KIF13B: variants seen among roughly 807,000 people sequenced by gnomAD.
KIF13B encodes the protein kinesin family member 13B.
In KIF13B, 127 loss-of-function variants were observed where a neutral mutation model predicts 222.0. That is an observed-to-expected ratio of 0.57 (90% CI 0.50 to 0.66). The LOEUF (loss-of-function observed/expected upper bound fraction) is 0.66, where lower values mean the gene tolerates loss of function less well. Ranked by LOEUF, KIF13B falls within the 30% of genes least tolerant of loss-of-function variation. The pLI, the probability that KIF13B is intolerant of heterozygous loss-of-function variation, is 0.00. For missense variants in KIF13B, 2,173 were observed against 2,379.0 expected (o/e 0.91, Z 1.80); for synonymous variants, 976 against 919.0 (o/e 1.06, Z -1.12).
intron 2 of KIF13B, among the ~76,000 whole-genome samples, chr8:29,232,834 C>A (rs765182714): frequency 5.9e-5 from 9 of 152,196 alleles, no homozygotes; most frequent in Non-Finnish European, 7.3e-5. Context: ...ACTGCCCACT[C>A]TCTCACCCCT....
At chr8:29,241,340 A>C (rs1815769442) in intron 2 of KIF13B, among the ~76,000 whole-genome samples, 1 of 152,260 alleles carries the variant, frequency 6.6e-6, no homozygotes, top group African/African-American at 2.4e-5. Context: ...CAGTAAGTGT[A>C]ATAAAAACCA....
chr8:29,165,816 C>A, intron 11 of KIF13B, 44 bp from the exon 12 acceptor site: 1 of 1,417,220 alleles, frequency 7.1e-7, no homozygotes, highest in Non-Finnish European at 9.9e-7. Flanking sequence ...AGAAGATGCC[C>A]TGGAAAAAGA....
At chr8:29,123,332 T>C (rs1202878574) in intron 28 of KIF13B, 34 bp downstream of exon 28, 3 of 1,610,398 alleles carry the variant, frequency 1.9e-6, no homozygotes, top group Middle Eastern at 3.4e-4. Context: ...TGGTGAGCGT[T>C]CAGACCTCAC....
At position 29,146,241 on chromosome 8, in the gene KIF13B, AC is replaced by A. The variant is rs1470527007; in HGVS notation, c.2187+136del. 6 of 832,060 alleles carry A rather than the reference AC, an allele frequency of 7.2e-6. No homozygotes were observed. The African/African-American group carries it at 1.0e-4, about 14-fold the overall frequency. The allele number at this position is 832,060 out of a possible 1,614,324, so 51.5% of individuals were successfully genotyped here. On this transcript the variant is annotated intron_variant, in intron 18 of 39. Transcript: ENST00000524189. ...GAGAATGGAAAAGGAAGTCAATTCTACCCAAAAGCATGGAGGACAAAGGATC... is the reference window on the plus strand; with the variant it reads ...GAGAATGGAAAAGGAAGTCAATTCTACCAAAAGCATGGAGGACAAAGGATC...
At chr8:29,165,952 T>C (rs1244989933) in intron 11 of KIF13B, among the ~76,000 whole-genome samples, 180 bp from the exon 12 acceptor site, 1 of 152,256 alleles carries the variant, frequency 6.6e-6, no homozygotes, top group African/African-American at 2.4e-5. Context: ...CACAAACTCA[T>C]TGAGTTATCC....
At chr8:29,076,005 G>A (rs887844007) in intron 37 of KIF13B, among the ~76,000 whole-genome samples, 2 of 152,236 alleles carry the variant, frequency 1.3e-5, no homozygotes, top group Admixed American at 6.5e-5. Context: ...ACAGAGCAGG[G>A]GGAGGAGGTA....
At chr8:29,118,141 G>A (rs1809688859) in intron 30 of KIF13B, among the ~76,000 whole-genome samples, 1 of 151,096 alleles carries the variant, frequency 6.6e-6, no homozygotes, top group Non-Finnish European at 1.5e-5. Context: ...CTGGGCAACA[G>A]AGCAAGACTC....
chr8:29,189,978 T>C (rs550341545), intron 4 of KIF13B: 2 of 152,382 alleles, frequency 1.3e-5, no homozygotes, highest in South Asian at 2.1e-4. Context: ...CTTTCTACAG[T>C]TATGCAAAAG....
Position 29,180,154 on chromosome 8 carries a change from C to A in KIF13B, c.670G>T (p.Ala224Ser), listed in dbSNP as rs749402531. 3 of 1,614,002 alleles carry A rather than the reference C, an allele frequency of 1.9e-6. No individual in the cohort carries two copies. Among genetic ancestry groups the A allele is most frequent in the Admixed American group, 3.3e-5 (2 of 60,030 alleles). ...TGTGTGAGGGTGATTTTGAAAACTGCATGGGATCGGCTACTCTCCTCGTTC... is the reference window on the plus strand; with the variant it reads ...TGTGTGAGGGTGATTTTGAAAACTGAATGGGATCGGCTACTCTCCTCGTTC... ...NMNEESSRSH[A>S]VFKITLTHTL... The change falls in exon 8 of 40, where the codon GCA (alanine) becomes TCA (serine). Residue 224 changes from alanine to serine, a missense_variant. By Grantham distance (99) the Ala-to-Ser change is moderately conservative (BLOSUM62 1). Transcript: ENST00000524189.
chr8:29,243,499 T>C (rs1815874222), intron 2 of KIF13B, among the ~76,000 whole-genome samples: 1 of 151,642 alleles, frequency 6.6e-6, no homozygotes, highest in Non-Finnish European at 1.5e-5. Flanking sequence ...TCTACTAAAA[T>C]ACAAAAATTA....
chr8:29,173,957 A>AT (rs1442684118), intron 10 of KIF13B, among the ~76,000 whole-genome samples: 10 of 151,858 alleles, frequency 6.6e-5, no homozygotes, highest in Non-Finnish European at 1.3e-4. Context: ...AAAAAAAAAA[A>AT]ACTCATTTGG....
intron 2 of KIF13B, among the ~76,000 whole-genome samples, chr8:29,202,861 CCT>C (rs1341117516): frequency 6.6e-6 from 1 of 152,040 alleles, no homozygotes; most frequent in Non-Finnish European, 1.5e-5. Context: ...ACGTCACTCC[CCT>C]GTCCTCCATA....
chr8:29,152,618 A>G (rs1586849290), intron 14 of KIF13B, among the ~76,000 whole-genome samples: 1 of 110,732 alleles, frequency 9.0e-6, no homozygotes, highest in East Asian at 3.5e-4. Flanking sequence ...ATTAAAAAAA[A>G]ATTTTTTTTG....
At chr8:29,074,789 A>G (rs903003861) in intron 38 of KIF13B, among the ~76,000 whole-genome samples, 127 of 152,366 alleles carry the variant, frequency 8.3e-4, no homozygotes, top group African/African-American at 2.9e-3. Flanking sequence ...AAATTTTCCT[A>G]AGAAGATACA....
At chr8:29,209,245 G>A (rs768346378) in intron 2 of KIF13B, among the ~76,000 whole-genome samples, 2 of 152,174 alleles carry the variant, frequency 1.3e-5, no homozygotes, top group African/African-American at 2.4e-5. Flanking sequence ...TAGAGAAGGC[G>A]CCATGGGCAG....
At chr8:29,160,984 T>C (rs1811752514) in intron 12 of KIF13B, 117 bp from the exon 13 acceptor site, 4 of 798,944 alleles carry the variant, frequency 5.0e-6, no homozygotes, top group Non-Finnish European at 7.7e-6. Flanking sequence ...ATACATTCTC[T>C]TAGGCTATGG....
At chr8:29,114,041 C>T (rs11778430) in intron 31 of KIF13B, among the ~76,000 whole-genome samples, 31,722 of 152,064 alleles carry the variant, frequency 0.21, 3,478 homozygotes, top group Admixed American at 0.3. Context: ...TAAGAGTGCA[C>T]GGTCATTGTT....
At chr8:29,211,536 G>A (rs935398633) in intron 2 of KIF13B, among the ~76,000 whole-genome samples, 10 of 152,234 alleles carry the variant, frequency 6.6e-5, no homozygotes, top group Admixed American at 1.3e-4. Context: ...CAGGGAGAAG[G>A]AAGCAATGCA....
intron 11 of KIF13B, among the ~76,000 whole-genome samples, chr8:29,166,700 A>G (rs890494263): frequency 8.3e-5 from 6 of 72,378 alleles, no homozygotes; most frequent in African/African-American, 2.5e-4. Context: ...GTGAAACTCC[A>G]CCTCAAAAAA....
Sources: allele counts gnomAD v4.1 joint callset (sites outside exome capture counted in the v4.1 genomes callset), GRCh38; gene constraint gnomAD v4.1.1; transcripts MANE v1.5; gene names NCBI Gene and HGNC (gene_info 2026-07-23, HGNC 2026-07-21).